Variants in TMEM132C observed in about 807,000 individuals in gnomAD.
The protein encoded by TMEM132C is protein phosphatase 1, regulatory subunit 152.
Under a neutral mutation model 61.4 loss-of-function variants are expected in TMEM132C, and 29 were observed. The ratio of observed to expected loss-of-function variants is 0.47; its 90% CI spans 0.35 to 0.64. The LOEUF (loss-of-function observed/expected upper bound fraction) is 0.64. Ranked by LOEUF, TMEM132C falls within the 30% of genes least tolerant of loss-of-function variation. The pLI is 0.00. For missense variants in TMEM132C, 1,408 were observed against 1,476.9 expected (o/e 0.95, Z 0.76); for synonymous variants, 656 against 633.1 (o/e 1.04, Z -0.54).
intron 1 of TMEM132C, among the ~76,000 whole-genome samples, chr12:128,321,985 T>C (rs1374608399): frequency 6.6e-6 from 1 of 152,162 alleles, no homozygotes; most frequent in Non-Finnish European, 1.5e-5. Context: ...AGAATGTATC[T>C]CCCCAGAATG....
chr12:128,609,835 G>C (rs1423609247), intron 3 of TMEM132C, among the ~76,000 whole-genome samples: 3 of 152,202 alleles, frequency 2.0e-5, no homozygotes, highest in Admixed American at 1.3e-4. Context: ...AAAGCCTCAA[G>C]AACAGGAGAA....
chr12:128,427,072 T>C (rs1486634982), intron 2 of TMEM132C, among the ~76,000 whole-genome samples: 2 of 152,184 alleles, frequency 1.3e-5, no homozygotes, highest in Non-Finnish European at 2.9e-5. Context: ...TCCAGTATTC[T>C]GGGTACTAAG....
At chr12:128,515,971 G>C (rs1367686032) in intron 2 of TMEM132C, among the ~76,000 whole-genome samples, 1 of 152,084 alleles carries the variant, frequency 6.6e-6, no homozygotes, top group Non-Finnish European at 1.5e-5. Context: ...CAGGCACGTC[G>C]GGCCCATGTC....
chr12:128,679,073 TGCTACTCAAA>T (rs1481330914), intron 5 of TMEM132C, among the ~76,000 whole-genome samples: 3 of 152,222 alleles, frequency 2.0e-5, no homozygotes, highest in African/African-American at 7.2e-5. Context: ...ATTGCATAGA[TGCTACTCAAA>T]GATTGAAAAA....
Position 128,643,309 on chromosome 12 carries a change from A to G in TMEM132C, c.1306-26108A>G, listed in dbSNP as rs774535383. ...TTTGCAAAAGGTTTGAATTAATCCA[A>G]GAGATCAACCCAGGGCCGCAAGGGA... On this transcript the variant is annotated intron_variant, in intron 4 of 8. Transcript: ENST00000435159. Among the ~76,000 whole-genome samples the G allele has an allele frequency of 3.3e-5, 5 of 152,214 alleles. 1 individual carries two copies. The highest frequency in any genetic ancestry group is 7.3e-5 in the Non-Finnish European group (5 of 68,040).
intron 4 of TMEM132C, among the ~76,000 whole-genome samples, chr12:128,666,811 T>C (rs111333273): frequency 9.8e-5 from 15 of 152,348 alleles, no homozygotes; most frequent in African/African-American, 3.1e-4. Flanking sequence ...GAAATTGATA[T>C]TGGTCAGTGA....
chr12:128,611,288 A>G (rs1876626260), intron 3 of TMEM132C, among the ~76,000 whole-genome samples: 1 of 152,102 alleles, frequency 6.6e-6, no homozygotes, highest in East Asian at 1.9e-4. Flanking sequence ...CAAACTGCTA[A>G]CTTTCTTCCT....
At chr12:128,557,304 A>T (rs1233449280) in intron 3 of TMEM132C, among the ~76,000 whole-genome samples, 14 of 152,216 alleles carry the variant, frequency 9.2e-5, no homozygotes, top group Non-Finnish European at 2.9e-5. Flanking sequence ...ATAGTCTGAC[A>T]TGTGGTCCCC....
At chr12:128,665,964 CGGGCACATGTACCCGT>C (rs1954464313) in intron 4 of TMEM132C, among the ~76,000 whole-genome samples, 1 of 148,154 alleles carries the variant, frequency 6.7e-6, no homozygotes, top group Admixed American at 6.7e-5. Context: ...CACACACACA[CGGGCACATGTACCCGT>C]AAACACACAG....
At chr12:128,599,963 A>G (rs1373719535) in intron 3 of TMEM132C, among the ~76,000 whole-genome samples, 2 of 151,864 alleles carry the variant, frequency 1.3e-5, no homozygotes, top group Admixed American at 6.6e-5. Flanking sequence ...ACAAGACCTG[A>G]TGGTTTTTTG....
chr12:128,448,365 T>C (rs1012351025), intron 2 of TMEM132C, among the ~76,000 whole-genome samples: 2 of 152,212 alleles, frequency 1.3e-5, no homozygotes, highest in Non-Finnish European at 2.9e-5. Context: ...GGTCTTCTGC[T>C]CTTGGCCGGG....
Position 128,659,555 on chromosome 12 carries a change from G to A in TMEM132C, c.1306-9862G>A, listed in dbSNP as rs578086845. Among the ~76,000 whole-genome samples the A allele has an allele frequency of 7.9e-5, 12 of 152,356 alleles. No homozygotes were observed. The East Asian group carries it at 9.6e-4, about 12-fold the overall frequency. On this transcript the variant is annotated intron_variant, in intron 4 of 8. Coordinates refer to ENST00000435159, the MANE Select transcript of TMEM132C (RefSeq NM_001136103.3). ...CCCTGAGCTCTGTGGACGTCTGTAC[G>A]TGTGGAGGGGGAGCATTCGCCCAGT...
intron 2 of TMEM132C, among the ~76,000 whole-genome samples, chr12:128,484,987 GGAAGGAAGGAGC>G (rs1871438799): frequency 6.6e-6 from 1 of 151,900 alleles, no homozygotes; most frequent in Non-Finnish European, 1.5e-5. Flanking sequence ...AAGGAGGGAA[GGAAGGAAGGAGC>G]GAAGGAAGGA....
intron 4 of TMEM132C, among the ~76,000 whole-genome samples, chr12:128,622,360 AATATATATATATATATATATATATATAT>A (rs767066742): frequency 6.6e-5 from 2 of 30,116 alleles, no homozygotes; most frequent in Non-Finnish European, 1.1e-4. Flanking sequence ...AAAAAAAAAA[AATATATATATATATATATATATATATAT>A]ATATATATAT....
At chr12:128,619,312 T>C (rs1953935566) in intron 4 of TMEM132C, among the ~76,000 whole-genome samples, 1 of 152,206 alleles carries the variant, frequency 6.6e-6, no homozygotes. Context: ...ATTCTGAAGC[T>C]CCTTTTTAAA....
At chr12:128,565,009 A>G (rs1383228211) in intron 3 of TMEM132C, among the ~76,000 whole-genome samples, 1 of 152,258 alleles carries the variant, frequency 6.6e-6, no homozygotes, top group Non-Finnish European at 1.5e-5. Context: ...TAACTAATTA[A>G]CAAAAATATT....
At chr12:128,680,135 G>A (rs1490888841) in intron 5 of TMEM132C, among the ~76,000 whole-genome samples, 1 of 152,220 alleles carries the variant, frequency 6.6e-6, no homozygotes, top group Non-Finnish European at 1.5e-5. Context: ...AGGCCTTGGA[G>A]TCTGTGTTCA....
chr12:128,373,678 A>C (rs1422347675), intron 1 of TMEM132C, among the ~76,000 whole-genome samples: 2 of 152,170 alleles, frequency 1.3e-5, no homozygotes, highest in African/African-American at 4.8e-5. Flanking sequence ...GTTGACTGCT[A>C]AGCCAGATCT....
At chr12:128,339,313 A>G (rs1872885374) in intron 1 of TMEM132C, among the ~76,000 whole-genome samples, 1 of 151,838 alleles carries the variant, frequency 6.6e-6, no homozygotes, top group African/African-American at 2.4e-5. Context: ...ATGGGAGCCC[A>G]GGGGGTTGGA....
Sources: gnomAD v4.1 joint callset for allele counts (sites outside exome capture counted in the v4.1 genomes callset) on GRCh38, gnomAD v4.1.1 for gene constraint, MANE v1.5 for transcripts, NCBI Gene and HGNC (gene_info 2026-07-23, HGNC 2026-07-21) for gene names.